PRKN: variants seen among roughly 807,000 people sequenced by gnomAD.
PRKN encodes E3 ubiquitin-protein ligase parkin.
Under a neutral mutation model 59.5 loss-of-function variants are expected in PRKN, and 56 were observed. The ratio of observed to expected loss-of-function variants is 0.94; its 90% CI spans 0.76 to 1.18. PRKN has a LOEUF of 1.18. Ranked by LOEUF, PRKN falls within the 50% of genes most tolerant of loss-of-function variation. The pLI, the probability that PRKN is intolerant of heterozygous loss-of-function variation, is 0.00. For synonymous variants in PRKN, 250 were observed against 222.1 expected (o/e 1.13, Z -1.12); for missense variants, 657 against 596.4 (o/e 1.10, Z -1.06).
intron 2 of PRKN, among the ~76,000 whole-genome samples, chr6:162,377,226 C>T (rs961714468): frequency 6.6e-6 from 1 of 152,140 alleles, no homozygotes; most frequent in Non-Finnish European, 1.5e-5. Context: ...TATTCAAATC[C>T]AAATCTGCAG....
chr6:161,821,714 GTGTTCTTTTTTTTTTTTTTTTTTTTTT>G (rs1792033107), intron 6 of PRKN, among the ~76,000 whole-genome samples: 1 of 102,282 alleles, frequency 9.8e-6, no homozygotes, highest in African/African-American at 3.5e-5. Context: ...ATTTCCACTG[GTGTTCTTTTTTTTTTTTTTTTTTTTTT>G]TTTTTTTTTT....
At chr6:161,528,114 G>A (rs1779078315) in intron 9 of PRKN, among the ~76,000 whole-genome samples, 1 of 152,122 alleles carries the variant, frequency 6.6e-6, no homozygotes, top group African/African-American at 2.4e-5. Flanking sequence ...TGCATAAAAT[G>A]TCACTGTTAA....
At chr6:161,927,811 T>C (rs569422147) in intron 6 of PRKN, among the ~76,000 whole-genome samples, 2 of 151,752 alleles carry the variant, frequency 1.3e-5, no homozygotes, top group South Asian at 2.1e-4. Flanking sequence ...AACAGTACCA[T>C]AGTAAATGTC....
intron 6 of PRKN, among the ~76,000 whole-genome samples, chr6:161,875,905 G>A (rs1794715834): frequency 6.6e-6 from 1 of 151,970 alleles, no homozygotes; most frequent in Non-Finnish European, 1.5e-5. Flanking sequence ...TGTTCCATGG[G>A]TGCCGTTATG....
intron 7 of PRKN, among the ~76,000 whole-genome samples, chr6:161,730,887 A>T (rs1342045495): frequency 6.6e-6 from 1 of 151,462 alleles, no homozygotes; most frequent in African/African-American, 2.4e-5. Flanking sequence ...GATATGTTGC[A>T]TTCTGGCGTG....
At chr6:162,198,033 AC>A (rs1229788022) in intron 4 of PRKN, among the ~76,000 whole-genome samples, 1 of 152,166 alleles carries the variant, frequency 6.6e-6, no homozygotes, top group African/African-American at 2.4e-5. Flanking sequence ...AGTGAATGAT[AC>A]CTGCAATACT....
chr6:161,839,891 T>G (rs1232230695), intron 6 of PRKN, among the ~76,000 whole-genome samples: 1 of 152,176 alleles, frequency 6.6e-6, no homozygotes, highest in Non-Finnish European at 1.5e-5. Context: ...AGTGACAGTT[T>G]TAAGGGAGCT....
chr6:162,452,584 G>A lies in PRKN; in HGVS notation c.8-9111C>T, dbSNP rs1438235081. ...TATTTCTTATAGTAAAAATCAAAAT[G>A]AATAAAAATATTGACCCAAAAAGCA... On this transcript the variant is annotated intron_variant, in intron 1 of 11. Transcript: ENST00000366898. Among the ~76,000 whole-genome samples, 4 of 151,846 alleles carry A rather than the reference G, an allele frequency of 2.6e-5. No individual in the cohort carries two copies. In the East Asian group the frequency reaches 5.8e-4, roughly 22 times the overall value.
chr6:162,560,659 T>C (rs1779795464), intron 1 of PRKN, among the ~76,000 whole-genome samples: 1 of 152,094 alleles, frequency 6.6e-6, no homozygotes, highest in African/African-American at 2.4e-5. Flanking sequence ...ACCCTAATCA[T>C]GTTTACAATT....
At chr6:161,756,484 C>T (rs1448476740) in intron 7 of PRKN, among the ~76,000 whole-genome samples, 2 of 139,916 alleles carry the variant, frequency 1.4e-5, no homozygotes, top group Non-Finnish European at 3.1e-5. Flanking sequence ...TTTCTCTCAG[C>T]TTTTAATTTT....
chr6:161,809,695 C>T lies in PRKN; in HGVS notation c.735-23787G>A, dbSNP rs577764303. 5.9e-5 allele frequency among the ~76,000 whole-genome samples: 9 copies of T among 152,090 alleles called. No individual in the cohort carries two copies. In the South Asian group the frequency reaches 1.0e-3, roughly 18 times the overall value. On this transcript the variant is annotated intron_variant, in intron 6 of 11. Transcript: ENST00000366898. The stretch of plus-strand genomic sequence containing the variant: ...GGTGATAAAATTTTAATTTCCTATA[C>T]TGATAATAAATTTTTCCTTGACAAA...
intron 4 of PRKN, among the ~76,000 whole-genome samples, chr6:162,115,037 C>T (rs1260918049): frequency 6.6e-6 from 1 of 151,862 alleles, no homozygotes; most frequent in African/African-American, 2.4e-5. Context: ...TATAAAGACA[C>T]ATGCACACGT....
At chr6:162,475,167 T>G (rs1169137729) in intron 1 of PRKN, among the ~76,000 whole-genome samples, 1 of 152,098 alleles carries the variant, frequency 6.6e-6, no homozygotes, top group Non-Finnish European at 1.5e-5. Flanking sequence ...CAAGAAAAAT[T>G]ATTCAAAAAA....
intron 1 of PRKN, among the ~76,000 whole-genome samples, chr6:162,554,631 G>A (rs1409426275): frequency 2.0e-5 from 3 of 152,190 alleles, no homozygotes; most frequent in Non-Finnish European, 4.4e-5. Context: ...GTGGCAACAC[G>A]GGGTGGGGGG....
chr6:162,415,423 G>A (rs13220779), intron 2 of PRKN, among the ~76,000 whole-genome samples: 83,511 of 151,954 alleles, frequency 0.55, 23,908 homozygotes, highest in African/African-American at 0.71. Flanking sequence ...GAAACAGATC[G>A]TGTGAAGAGT....
intron 5 of PRKN, among the ~76,000 whole-genome samples, chr6:162,016,812 C>T (rs1407407101): frequency 6.6e-6 from 1 of 152,136 alleles, no homozygotes; most frequent in Non-Finnish European, 1.5e-5. Flanking sequence ...GGCGATAAAG[C>T]AGCCCTCACT....
rs187374128 is a variant in PRKN at position 162,328,593 on chromosome 6, C to T, written c.172-65828G>A. Among the ~76,000 whole-genome samples, 12 of 152,272 alleles carry T rather than the reference C, an allele frequency of 7.9e-5. No homozygotes were observed. In the East Asian group the frequency reaches 1.2e-3, roughly 15 times the overall value. On this transcript the variant is annotated intron_variant, in intron 2 of 11. Coordinates refer to ENST00000366898, the MANE Select transcript of PRKN (RefSeq NM_004562.3). ...ACCGGTAAATAAAGGGCCGTGCAGA[C>T]GTATCTTATAAGTGCTGAGCTAGCA...
chr6:161,862,589 C>T (rs867182281), intron 6 of PRKN, among the ~76,000 whole-genome samples: 52 of 152,162 alleles, frequency 3.4e-4, no homozygotes, highest in Middle Eastern at 3.4e-3. Flanking sequence ...TACTGTGACC[C>T]CAGCCTGGAG....
At chr6:162,632,407 C>CA (rs920227476) in intron 1 of PRKN, among the ~76,000 whole-genome samples, 4 of 151,532 alleles carry the variant, frequency 2.6e-5, no homozygotes, top group South Asian at 2.1e-4. Flanking sequence ...AATACAGGAA[C>CA]AAAAAAAAGA....
Sources: allele counts gnomAD v4.1 joint callset (sites outside exome capture counted in the v4.1 genomes callset), GRCh38; gene constraint gnomAD v4.1.1; transcripts MANE v1.5; gene names NCBI Gene and HGNC (gene_info 2026-07-23, HGNC 2026-07-21).